Variants in LOC128092252 observed in about 807,000 individuals in gnomAD.
At chr15:50,686,268 G>A in the LOC128092252 span, among the ~76,000 whole-genome samples, 12 of 152,214 alleles carry the variant, frequency 7.9e-5, no homozygotes, top group Non-Finnish European at 1.6e-4. Flanking sequence ...CTGCCGCCTG[G>A]AGAGGCCCTC....
the LOC128092252 span, chr15:50,686,440 G>A: frequency 6.2e-7 from 1 of 1,603,980 alleles, no homozygotes; most frequent in Non-Finnish European, 8.5e-7. Flanking sequence ...CGCATGGAAC[G>A]CGGCTCCCCA....
chr15:50,678,519 T>A, the LOC128092252 span, among the ~76,000 whole-genome samples: 7,498 of 106,870 alleles, frequency 0.07, 677 homozygotes, highest in African/African-American at 0.25. Context: ...AAAAAAAAAA[T>A]ATATATATAT....
the LOC128092252 span, among the ~76,000 whole-genome samples, chr15:50,684,097 G>C: frequency 6.6e-6 from 1 of 151,644 alleles, no homozygotes. Flanking sequence ...AGTGATCCGG[G>C]ATCAGCCTGT....
At chr15:50,673,069 T>A in the LOC128092252 span, among the ~76,000 whole-genome samples, 1 of 145,150 alleles carries the variant, frequency 6.9e-6, no homozygotes, top group Admixed American at 6.7e-5. Flanking sequence ...AGCGTTAATT[T>A]ATTATTGAAT....
chr15:50,652,903 T>C, the LOC128092252 span, among the ~76,000 whole-genome samples: 1 of 152,188 alleles, frequency 6.6e-6, no homozygotes, highest in Non-Finnish European at 1.5e-5. Context: ...GGCTCGTGCC[T>C]GTAATCCCAG....
chr15:50,649,291 T>C, the LOC128092252 span, among the ~76,000 whole-genome samples: 1 of 151,930 alleles, frequency 6.6e-6, no homozygotes. Context: ...TTTAAAAAAT[T>C]AGGCAAGTGT....
chr15:50,678,157 C>T, the LOC128092252 span, among the ~76,000 whole-genome samples: 3 of 148,528 alleles, frequency 2.0e-5, no homozygotes, highest in Admixed American at 2.1e-4. Flanking sequence ...AGGAGGATGG[C>T]GTGAACCCAA....
At chr15:50,677,646 G>A in the LOC128092252 span, among the ~76,000 whole-genome samples, 1 of 144,232 alleles carries the variant, frequency 6.9e-6, no homozygotes, top group Non-Finnish European at 1.5e-5. Flanking sequence ...GGCTGAGGCA[G>A]AAGAATTGCT....
chr15:50,681,327 G>A, the LOC128092252 span, among the ~76,000 whole-genome samples: 20 of 150,646 alleles, frequency 1.3e-4, no homozygotes, highest in Admixed American at 5.9e-4. Context: ...GCTAAATGCC[G>A]ACACATTAGC....
chr15:50,669,397 T>C, the LOC128092252 span, among the ~76,000 whole-genome samples: 3 of 151,924 alleles, frequency 2.0e-5, no homozygotes, highest in African/African-American at 7.2e-5. Flanking sequence ...GTCATGCCAG[T>C]GCACTCCAGC....
chr15:50,658,063 G>C, the LOC128092252 span, among the ~76,000 whole-genome samples: 1 of 144,854 alleles, frequency 6.9e-6, no homozygotes, highest in East Asian at 2.1e-4. Context: ...GGAGTCCAAT[G>C]GCGCAATCTC....
At chr15:50,671,272 A>AT in the LOC128092252 span, among the ~76,000 whole-genome samples, 2 of 151,988 alleles carry the variant, frequency 1.3e-5, no homozygotes, top group African/African-American at 4.8e-5. Flanking sequence ...TATCAGTTCA[A>AT]TTTTTTAGAT....
the LOC128092252 span, among the ~76,000 whole-genome samples, chr15:50,651,753 C>T: frequency 4.6e-5 from 7 of 151,716 alleles, no homozygotes; most frequent in African/African-American, 9.7e-5. Flanking sequence ...AGCTGGGCGT[C>T]GTGGCAGTCG....
At chr15:50,655,744 T>C in the LOC128092252 span, among the ~76,000 whole-genome samples, 1 of 152,182 alleles carries the variant, frequency 6.6e-6, no homozygotes, top group Non-Finnish European at 1.5e-5. Flanking sequence ...ACGCCTGGAA[T>C]TCCAGCACTT....
At chr15:50,670,432 T>C in the LOC128092252 span, among the ~76,000 whole-genome samples, 1 of 152,088 alleles carries the variant, frequency 6.6e-6, no homozygotes, top group African/African-American at 2.4e-5. Context: ...CTAAAAAAGC[T>C]AGCCAAAACC....
the LOC128092252 span, among the ~76,000 whole-genome samples, chr15:50,650,096 G>C: frequency 6.7e-6 from 1 of 150,138 alleles, no homozygotes; most frequent in East Asian, 2.0e-4. Context: ...AGGAGGCTGA[G>C]GCAGGAGAAT....
chr15:50,652,189 C>T, the LOC128092252 span, among the ~76,000 whole-genome samples: 1 of 150,908 alleles, frequency 6.6e-6, no homozygotes, highest in African/African-American at 2.4e-5. Context: ...AAAACTTCAC[C>T]GGGTGTGGTG....
chr15:50,677,748 A>AC, the LOC128092252 span, among the ~76,000 whole-genome samples: 1 of 148,140 alleles, frequency 6.8e-6, no homozygotes, highest in Non-Finnish European at 1.5e-5. Context: ...CAAAAAAAAA[A>AC]AAAAAAAAAA....
the LOC128092252 span, among the ~76,000 whole-genome samples, chr15:50,672,952 ATG>A: frequency 6.6e-6 from 1 of 150,974 alleles, no homozygotes; most frequent in Admixed American, 6.6e-5. Context: ...TATAAAGAAA[ATG>A]TTTTTATGCA....
Sources: allele counts gnomAD v4.1 joint callset (sites outside exome capture counted in the v4.1 genomes callset), GRCh38; gene constraint gnomAD v4.1.1; transcripts MANE v1.5.